Variants in PALM2AKAP2 observed in about 807,000 individuals in gnomAD.
PALM2AKAP2 encodes the protein PALM2 and AKAP2 fusion.
Under a neutral mutation model 71.5 loss-of-function variants are expected in PALM2AKAP2, and 37 were observed. The ratio of observed to expected loss-of-function variants is 0.52; its 90% CI spans 0.40 to 0.68. The LOEUF (loss-of-function observed/expected upper bound fraction) is 0.68, where lower values mean the gene tolerates loss of function less well. Ranked by LOEUF, PALM2AKAP2 falls within the 30% of genes least tolerant of loss-of-function variation. The probability of loss-of-function intolerance (pLI) is 0.00; values close to 1 mark genes in which losing one functional copy is unlikely to be tolerated. For synonymous variants in PALM2AKAP2, 468 were observed against 478.8 expected, an observed-to-expected ratio of 0.98 and a Z score of 0.29; for missense variants, 1,224 against 1,191.8, an observed-to-expected ratio of 1.03 and a Z score of -0.40.
At chr9:109,862,007 A>C (rs1033416468) in intron 1 of PALM2AKAP2, among the ~76,000 whole-genome samples, 1 of 152,212 alleles carries the variant, frequency 6.6e-6, no homozygotes, top group African/African-American at 2.4e-5. Flanking sequence ...ACAATATTCT[A>C]GGCTTTAGAG....
chr9:109,777,276 C>G (rs1184928889), upstream of PALM2AKAP2, among the ~76,000 whole-genome samples: 1 of 152,216 alleles, frequency 6.6e-6, no homozygotes, highest in Non-Finnish European at 1.5e-5. Flanking sequence ...GTTATTCCTT[C>G]TTCCCAAGGC....
chr9:109,836,289 CA>C (rs1443688838), intron 1 of PALM2AKAP2, among the ~76,000 whole-genome samples: 26 of 152,364 alleles, frequency 1.7e-4, no homozygotes, highest in Non-Finnish European at 2.8e-4. Context: ...GGACCTCCAG[CA>C]AACTCCAACA....
intron 1 of PALM2AKAP2, among the ~76,000 whole-genome samples, chr9:109,831,175 ACACACACAAG>A (rs1828291399): frequency 9.4e-6 from 1 of 106,532 alleles, no homozygotes; most frequent in East Asian, 4.1e-4. Flanking sequence ...ACACACACAC[ACACACACAAG>A]CATAAATAGG....
intron 1 of PALM2AKAP2, among the ~76,000 whole-genome samples, chr9:109,727,089 A>T (rs566849094): frequency 3.2e-4 from 48 of 152,350 alleles, no homozygotes; most frequent in South Asian, 8.3e-4. Flanking sequence ...TCAACAGAGA[A>T]GTAACCTTGC....
intron 1 of PALM2AKAP2, among the ~76,000 whole-genome samples, chr9:109,681,912 A>G (rs955103296): frequency 6.6e-6 from 1 of 152,156 alleles, no homozygotes; most frequent in African/African-American, 2.4e-5. Flanking sequence ...TGCTCAAGGC[A>G]TTCAGGTGAC....
At chr9:109,824,877 G>T (rs1828102117) in intron 1 of PALM2AKAP2, among the ~76,000 whole-genome samples, 1 of 152,162 alleles carries the variant, frequency 6.6e-6, no homozygotes. Flanking sequence ...TCTTATGATT[G>T]CTGTTAACGA....
chr9:110,044,726 T>G (rs2132474881), upstream of PALM2AKAP2, among the ~76,000 whole-genome samples: 1 of 152,188 alleles, frequency 6.6e-6, no homozygotes, highest in African/African-American at 2.4e-5. Context: ...ATTTAGCACT[T>G]GTGAATTACT....
At chr9:109,882,275 G>A (rs185973861) in intron 3 of PALM2AKAP2, among the ~76,000 whole-genome samples, 111 of 152,274 alleles carry the variant, frequency 7.3e-4, no homozygotes, top group African/African-American at 2.6e-3. Flanking sequence ...CTGTAATAGT[G>A]TCACTAAAGG....
intron 1 of PALM2AKAP2, among the ~76,000 whole-genome samples, chr9:109,788,381 G>T (rs2118850503): frequency 6.6e-6 from 1 of 152,286 alleles, no homozygotes; most frequent in Admixed American, 6.5e-5. Context: ...AGCAGCAACT[G>T]CCATTTGACC....
chr9:110,122,678 G>C (rs1835514728), intron 1 of PALM2AKAP2, among the ~76,000 whole-genome samples: 1 of 152,214 alleles, frequency 6.6e-6, no homozygotes, highest in African/African-American at 2.4e-5. Flanking sequence ...AAACCCCAGT[G>C]GCTAGACTTT....
chr9:110,006,324 C>CTCTTTCTTTTTTCTTTCTT (rs1554736918), intron 6 of PALM2AKAP2, among the ~76,000 whole-genome samples: 19 of 102,214 alleles, frequency 1.9e-4, no homozygotes, highest in Middle Eastern at 4.3e-3. Flanking sequence ...TTCCTTCCTT[C>CTCTTTCTTTTTTCTTTCTT]TCTTTCTTTC....
chr9:109,718,514 G>A (rs964072203), intron 1 of PALM2AKAP2, among the ~76,000 whole-genome samples: 6 of 152,258 alleles, frequency 3.9e-5, no homozygotes, highest in East Asian at 1.9e-4. Flanking sequence ...CTGTCTGGAT[G>A]TGGACTGTGC....
chr9:110,110,542 CTTTTT>C (rs559402514), intron 1 of PALM2AKAP2, among the ~76,000 whole-genome samples: 2 of 95,336 alleles, frequency 2.1e-5, no homozygotes, highest in Non-Finnish European at 4.1e-5. Flanking sequence ...TTTCTGAACT[CTTTTT>C]TTTTTTTTTT....
chr9:109,972,855 G>A (rs1443331230), intron 6 of PALM2AKAP2, among the ~76,000 whole-genome samples: 1 of 152,108 alleles, frequency 6.6e-6, no homozygotes, highest in East Asian at 1.9e-4. Context: ...TATGTATAAC[G>A]GACTTAGCAC....
At chr9:109,978,194 G>A (rs1414307865) in intron 6 of PALM2AKAP2, among the ~76,000 whole-genome samples, 1 of 152,046 alleles carries the variant, frequency 6.6e-6, no homozygotes, top group Non-Finnish European at 1.5e-5. Context: ...GAGGGGAGAA[G>A]GAAAGTCTCA....
chr9:110,092,666 A>G (rs545151930), intron 1 of PALM2AKAP2, among the ~76,000 whole-genome samples: 1 of 152,326 alleles, frequency 6.6e-6, no homozygotes, highest in Non-Finnish European at 1.5e-5. Flanking sequence ...ATTGGCTAAT[A>G]TCACTGAAAG....
intron 7 of PALM2AKAP2, among the ~76,000 whole-genome samples, chr9:110,031,450 C>T (rs1054793310): frequency 6.6e-6 from 1 of 151,988 alleles, no homozygotes; most frequent in African/African-American, 2.4e-5. Flanking sequence ...TTTTGATCTC[C>T]AACAGTATGC....
chr9:109,951,467 A>G (rs1304909768), intron 6 of PALM2AKAP2, among the ~76,000 whole-genome samples: 6 of 152,184 alleles, frequency 3.9e-5, no homozygotes, highest in Admixed American at 3.9e-4. Context: ...CTGCCTTTTC[A>G]CTGCATCTAC....
chr9:110,065,491 T>C (rs1834059328), intron 1 of PALM2AKAP2, among the ~76,000 whole-genome samples: 1 of 152,186 alleles, frequency 6.6e-6, no homozygotes, highest in African/African-American at 2.4e-5. Context: ...TGTCCCAGAG[T>C]GTGGGGTCTT....
Sources: allele counts gnomAD v4.1 joint callset (sites outside exome capture counted in the v4.1 genomes callset), GRCh38; gene constraint gnomAD v4.1.1; transcripts MANE v1.5; gene names NCBI Gene and HGNC (gene_info 2026-07-23, HGNC 2026-07-21).